Variants in MAP6 observed in about 807,000 individuals in gnomAD.
MAP6 encodes microtubule-associated protein 6.
In MAP6, 26 loss-of-function variants were observed where a neutral mutation model predicts 42.4. That is an observed-to-expected ratio of 0.61 (90% CI 0.45 to 0.85). The LOEUF (loss-of-function observed/expected upper bound fraction) is 0.85, where lower values mean the gene tolerates loss of function less well. Among genes scored for constraint, MAP6 ranks in the 40% least tolerant of loss-of-function variants. The pLI is 0.00. For missense variants in MAP6, 966 were observed against 1,099.0 expected (o/e 0.88, Z 1.71); for synonymous variants, 418 against 443.8 (o/e 0.94, Z 0.73).
chr11:75,588,146 T>C lies in MAP6; in HGVS notation c.1355A>G (p.Gln452Arg), dbSNP rs1942398941. ...GTCTGGCTCTGTGGCTACAGGACCT[T>C]GAGTCTTACTTGAATCACTGACGGG... The part of the protein sequence containing the change: ...AQPVSDSSKT[Q>R]GPVATEPDKD... The change falls in exon 4 of 4, where the codon CAA becomes CGA. Residue 452 changes from glutamine to arginine, a missense_variant. Gln to Arg is a conservative substitution (Grantham distance 43). This residue lies in a region of MAP6 where 943 missense variants were observed against 1,049.9 expected (regional missense o/e 0.90). Coordinates refer to ENST00000304771, the MANE Select transcript of MAP6 (RefSeq NM_033063.2). 1 of 1,613,528 alleles carries C rather than the reference T, an allele frequency of 6.2e-7. No homozygotes were observed. The highest frequency in any genetic ancestry group is 1.7e-5 in the Admixed American group (1 of 59,940).
In MAP6 at chr11:75,668,413, T is replaced by C; in HGVS notation, c.-44A>G. On this transcript the variant is annotated 5_prime_UTR_variant, in exon 1 of 4. Transcript: ENST00000304771. The stretch of plus-strand genomic sequence containing the variant: ...GGCCTCCTCTTTCTTCTTGTGGTTC[T>C]AAAGCAAGTCTCTATAATCTTCCTT... 6.4e-7 allele frequency: 1 copy of C among 1,553,908 alleles called. No homozygotes were observed. Among genetic ancestry groups the C allele is most frequent in the Non-Finnish European group, 8.6e-7 (1 of 1,157,086 alleles).
chr11:75,588,206 TC>T, intron 3 of MAP6, 22 bp from the exon 4 acceptor site: 2 of 1,600,032 alleles, frequency 1.2e-6, no homozygotes, highest in Non-Finnish European at 1.7e-6. Context: ...AGAGAGGTGA[TC>T]ACTGTGAGAG....
chr11:75,589,894 G>A (rs1268991185), intron 3 of MAP6, among the ~76,000 whole-genome samples: 3 of 152,166 alleles, frequency 2.0e-5, no homozygotes, highest in Admixed American at 6.5e-5. Context: ...GCTTTTTACT[G>A]TATTTAGCAT....
Position 75,668,411 on chromosome 11 carries a change from T to G in MAP6, c.-42A>C. 6.4e-7 allele frequency: 1 copy of G among 1,555,190 alleles called. No individual in the cohort carries two copies. Among genetic ancestry groups the G allele is most frequent in the African/African-American group, 1.4e-5 (1 of 71,638 alleles). On this transcript the variant is annotated 5_prime_UTR_variant, in exon 1 of 4. Transcript: ENST00000304771. ...CCGGCCTCCTCTTTCTTCTTGTGGT[T>G]CTAAAGCAAGTCTCTATAATCTTCC...
At chr11:75,594,983 C>T (rs1244073760) in intron 3 of MAP6, among the ~76,000 whole-genome samples, 1 of 152,242 alleles carries the variant, frequency 6.6e-6, no homozygotes, top group African/African-American at 2.4e-5. Context: ...AGGGGCCAAG[C>T]TGTCACTTTG....
intron 1 of MAP6, among the ~76,000 whole-genome samples, chr11:75,646,612 C>G (rs1024246900): frequency 6.6e-6 from 1 of 151,524 alleles, no homozygotes; most frequent in African/African-American, 2.4e-5. Context: ...CGAGGCCAGC[C>G]TGACATGGAG....
Position 75,668,674 on chromosome 11 carries a change from C to T in MAP6, c.-305G>A. 1 of 224,770 alleles carries T rather than the reference C, an allele frequency of 4.4e-6. No homozygotes were observed. Among genetic ancestry groups the T allele is most frequent in the Non-Finnish European group, 8.7e-6 (1 of 115,258 alleles). 13.9% of individuals were successfully genotyped at this position (224,770 alleles called of 1,614,324 possible). On this transcript the variant is annotated 5_prime_UTR_variant, in exon 1 of 4. Transcript: ENST00000304771. The stretch of plus-strand genomic sequence containing the variant: ...CGGCGAGGGTGTCTGGGACGCGCCC[C>T]TCCCTGCGGCTGCGGCGGCGCACAG...
At position 75,667,702 on chromosome 11, in the gene MAP6, C is replaced by T. The variant is rs945655459; in HGVS notation, c.668G>A (p.Gly223Asp). The T allele has an allele frequency of 2.8e-5, 36 of 1,282,748 alleles. No homozygotes were observed. The African/African-American group carries it at 5.6e-4, about 20-fold the overall frequency. The allele number at this position is 1,282,748 out of a possible 1,614,324, so 79.5% of individuals were successfully genotyped here. A position where few individuals can be genotyped will look rare whatever the true frequency, so the allele number is the denominator to read the frequency against. Residue 223 changes from glycine to aspartate, a missense_variant, in exon 1 of 4, where the codon GGT (glycine) becomes GAT (aspartate). Physicochemically the swap from Gly to Asp is moderately conservative, Grantham distance 94. Around this residue, in one of 2 missense-constraint regions of MAP6, gnomAD observed 943 missense variants for 1,049.9 expected, o/e 0.90. Transcript: ENST00000304771. The surrounding 1 kb of genome is among the most constrained non-coding windows in gnomAD (Gnocchi z 5.6). The part of the protein sequence containing the change: ...REQEAAPGGA[G>D]GLAAGKASGA... ...GGACGCCTTTCCGGCCGCCAGGCCA[C>T]CCGCTCCGCCGGGGGCCGCCTCCTG...
intron 1 of MAP6, 57 bp from the exon 2 acceptor site, chr11:75,608,379 T>C: frequency 7.1e-7 from 1 of 1,406,822 alleles, no homozygotes; most frequent in South Asian, 1.2e-5. Flanking sequence ...GAAGCAGAGC[T>C]CCTGACACAG....
intron 3 of MAP6, among the ~76,000 whole-genome samples, chr11:75,599,947 C>T (rs778328238): frequency 6.6e-5 from 10 of 152,218 alleles, no homozygotes; most frequent in East Asian, 1.9e-4. Flanking sequence ...CAGAAAGAAA[C>T]GCTTCATAAG....
chr11:75,650,190 C>A (rs1358721156), intron 1 of MAP6, among the ~76,000 whole-genome samples: 1 of 152,120 alleles, frequency 6.6e-6, no homozygotes, highest in Admixed American at 6.5e-5. Flanking sequence ...GGAAGGACTC[C>A]CCAAAAAATT....
intron 3 of MAP6, chr11:75,604,711 A>ATAC (rs1942726407): frequency 2.0e-6 from 2 of 985,386 alleles, no homozygotes; most frequent in Non-Finnish European, 2.4e-6. Context: ...GACACGGAAT[A>ATAC]TACTGAGAGC....
At chr11:75,604,447 T>C (rs2135584397) in intron 3 of MAP6, 1 of 985,402 alleles carries the variant, frequency 1.0e-6, no homozygotes, top group African/African-American at 1.7e-5. Context: ...CGCCGGGGCT[T>C]GACACCGGAC....
rs540179939 is a variant in MAP6 at position 75,667,613 on chromosome 11, C to T, written c.757G>A (p.Gly253Ser). The stretch of plus-strand genomic sequence containing the variant: ...AGCGGCGTCTGCTCGTGCCCCAGGC[C>T]CTCGGCGCGGCGCACAATCCAGGCA... ...GPAWIVRRAE[G>S]LGHEQTPLPA... The change falls in exon 1 of 4, where the codon GGC (glycine) becomes AGC (serine). Residue 253 changes from glycine (G) to serine (S), a missense_variant. By Grantham distance (56) the Gly-to-Ser change is moderately conservative. Transcript: ENST00000304771. The surrounding 1 kb of genome is among the most constrained non-coding windows in gnomAD (Gnocchi z 5.6). 2.1e-4 allele frequency: 280 copies of T among 1,303,910 alleles called. No individual in the cohort carries two copies. The African/African-American group carries it at 3.7e-3, about 17-fold the overall frequency. The allele number at this position is 1,303,910 out of a possible 1,614,324, so 80.8% of individuals were successfully genotyped here.
At position 75,640,100 on chromosome 11, in the gene MAP6, T is replaced by A. The variant is rs559409522; in HGVS notation, c.905+27365A>T. 2.0e-5 allele frequency among the ~76,000 whole-genome samples: 3 copies of A among 152,244 alleles called. No individual in the cohort carries two copies. The East Asian group carries it at 5.8e-4, about 29-fold the overall frequency. The stretch of plus-strand genomic sequence containing the variant: ...CCAGACAGGCGGCTCCTAGAGCAGA[T>A]GGTTGTCAGCACTGGGGGTGGGGAA... On this transcript the variant is annotated intron_variant, in intron 1 of 3. Transcript: ENST00000304771.
chr11:75,616,098 C>T (rs1319961878), intron 1 of MAP6, among the ~76,000 whole-genome samples: 3 of 152,206 alleles, frequency 2.0e-5, no homozygotes, highest in Admixed American at 6.5e-5. Flanking sequence ...ACAAGTTTTA[C>T]TGCTGTGAAG....
intron 3 of MAP6, chr11:75,602,793 C>G: frequency 1.0e-6 from 1 of 981,480 alleles, no homozygotes; most frequent in Admixed American, 6.1e-5. Flanking sequence ...GAGAATGGCT[C>G]AAATGCAAAA....
intron 1 of MAP6, among the ~76,000 whole-genome samples, chr11:75,664,711 A>G (rs12281880): frequency 1.3e-5 from 2 of 152,226 alleles, no homozygotes; most frequent in Non-Finnish European, 2.9e-5. Flanking sequence ...TATCCTAGAA[A>G]CATAGCAAGG....
intron 1 of MAP6, among the ~76,000 whole-genome samples, chr11:75,662,936 CTAGTGCTAACCTGG>C (rs920682125): frequency 6.6e-6 from 1 of 150,824 alleles, no homozygotes; most frequent in African/African-American, 2.4e-5. Flanking sequence ...ACATTTACTT[CTAGTGCTAACCTGG>C]TAGGATTTGT....
Sources: gnomAD v4.1 joint callset for allele counts (sites outside exome capture counted in the v4.1 genomes callset) on GRCh38, gnomAD v4.1.1 for gene constraint, gnomAD v4.1.1 regional missense constraint, Gnocchi (gnomAD v3.1) non-coding constraint, MANE v1.5 for transcripts, NCBI Gene and HGNC (gene_info 2026-07-23, HGNC 2026-07-21) for gene names.